Variants in FSTL5 observed in about 807,000 individuals in gnomAD.
The protein encoded by FSTL5 is follistatin-related protein 5.
A neutral mutation model predicts 89.1 loss-of-function variants in FSTL5; 62 were observed. The observed-to-expected ratio is 0.70, with a 90% confidence interval of 0.57 to 0.86. The LOEUF is 0.86. Among genes scored for constraint, FSTL5 ranks in the 40% least tolerant of loss-of-function variants. The pLI is 0.00. For missense variants in FSTL5, 1,057 were observed against 1,001.6 expected (o/e 1.06, Z -0.75); for synonymous variants, 383 against 346.2 (o/e 1.11, Z -1.18).
chr4:161,865,050 T>TA (rs988301229), intron 4 of FSTL5, among the ~76,000 whole-genome samples: 268 of 151,574 alleles, frequency 1.8e-3, no homozygotes, highest in African/African-American at 6.3e-3. Context: ...AGCAGAGTGA[T>TA]AAAAAAAAAA....
At chr4:162,000,416 C>T (rs62329592) in intron 3 of FSTL5, among the ~76,000 whole-genome samples, 63,410 of 151,482 alleles carry the variant, frequency 0.42, 13,416 homozygotes, top group Middle Eastern at 0.57. Context: ...CATGATGAAA[C>T]CCCATCTCTA....
chr4:161,508,937 C>T (rs1730567303), intron 11 of FSTL5, among the ~76,000 whole-genome samples: 1 of 152,074 alleles, frequency 6.6e-6, no homozygotes, highest in African/African-American at 2.4e-5. Flanking sequence ...AGTGTTATTC[C>T]TTCCATTTCA....
At chr4:162,110,626 G>C (rs908958857) in intron 2 of FSTL5, among the ~76,000 whole-genome samples, 11 of 151,732 alleles carry the variant, frequency 7.2e-5, no homozygotes, top group African/African-American at 2.7e-4. Context: ...TTAATAAAAA[G>C]TTGAGAATAT....
chr4:161,862,566 C>G (rs998498381), intron 4 of FSTL5, among the ~76,000 whole-genome samples: 2 of 152,028 alleles, frequency 1.3e-5, no homozygotes, highest in African/African-American at 4.8e-5. Flanking sequence ...AACCCTGTCT[C>G]TACTAAAAAT....
At chr4:161,420,106 A>C (rs566442713) in intron 15 of FSTL5, among the ~76,000 whole-genome samples, 1 of 152,360 alleles carries the variant, frequency 6.6e-6, no homozygotes, top group East Asian at 1.9e-4. Context: ...TTAGTATTAC[A>C]GTAGCCTATG....
intron 3 of FSTL5, among the ~76,000 whole-genome samples, chr4:162,027,590 A>G (rs956933303): frequency 1.3e-5 from 2 of 152,168 alleles, no homozygotes; most frequent in African/African-American, 4.8e-5. Flanking sequence ...TATTTTTTAA[A>G]TAGTAAAGAT....
At position 161,385,126 on chromosome 4, in the gene FSTL5, T is replaced by G. The variant is rs922823720; in HGVS notation, c.*621A>C. The G allele has an allele frequency of 6.5e-6, 1 of 152,744 alleles. No individual in the cohort carries two copies. Among genetic ancestry groups the G allele is most frequent in the African/African-American group, 2.4e-5 (1 of 41,462 alleles). The allele number at this position is 152,744 out of a possible 1,614,324, so 9.5% of individuals were successfully genotyped here. ...CTGTATACAACCTAAGACCAACTTA[T>G]GCCTTCAATTGGTAGTTCATTGAGG... On this transcript the variant is annotated 3_prime_UTR_variant, in exon 16 of 16. Transcript: ENST00000306100.
intron 3 of FSTL5, among the ~76,000 whole-genome samples, chr4:162,016,694 T>C (rs1190057803): frequency 6.6e-6 from 1 of 152,204 alleles, no homozygotes; most frequent in Non-Finnish European, 1.5e-5. Flanking sequence ...ATTTGGAGTA[T>C]CTCCATGTTC....
chr4:161,819,686 A>C (rs983546551), intron 4 of FSTL5, among the ~76,000 whole-genome samples: 1 of 152,136 alleles, frequency 6.6e-6, no homozygotes, highest in African/African-American at 2.4e-5. Flanking sequence ...CTCAAAATTC[A>C]TGAATGAAAC....
chr4:161,802,246 T>C (rs1729820986), intron 4 of FSTL5, among the ~76,000 whole-genome samples: 1 of 151,760 alleles, frequency 6.6e-6, no homozygotes, highest in South Asian at 2.1e-4. Flanking sequence ...GAAAATTAAC[T>C]ATCTCCTATA....
At chr4:161,748,579 G>T (rs529024418) in intron 6 of FSTL5, among the ~76,000 whole-genome samples, 1 of 148,992 alleles carries the variant, frequency 6.7e-6, no homozygotes, top group African/African-American at 2.5e-5. Flanking sequence ...TTAATTGCTG[G>T]ACTGAAATAA....
At position 161,950,651 on chromosome 4, in the gene FSTL5, G is replaced by T. The variant is rs564241538; in HGVS notation, c.161-29999C>A. 9.6e-3 allele frequency among the ~76,000 whole-genome samples: 1,455 copies of T among 152,236 alleles called. 18 individuals are homozygous for T. Among genetic ancestry groups the T allele is most frequent in the African/African-American group, 0.033 (1,357 of 41,548 alleles). ...CAGTGTTCTGAAACCACAGCTTACT[G>T]AAGGCACAGAATGCCTCAGTTTGGT... is the stretch of plus-strand genomic sequence containing the variant. On this transcript the variant is annotated intron_variant, in intron 3 of 15. Transcript: ENST00000306100.
chr4:162,075,830 G>C (rs1026574411), intron 2 of FSTL5, among the ~76,000 whole-genome samples: 5 of 151,816 alleles, frequency 3.3e-5, no homozygotes, highest in Non-Finnish European at 7.4e-5. Context: ...AGTTACAAAG[G>C]CTGTCACAAC....
intron 6 of FSTL5, among the ~76,000 whole-genome samples, chr4:161,735,567 A>G (rs186506392): frequency 2.4e-4 from 37 of 152,356 alleles, no homozygotes; most frequent in Admixed American, 1.8e-3. Flanking sequence ...GAGATCAGTT[A>G]GCTAAGATCT....
At chr4:161,510,522 A>G (rs1191791549) in intron 10 of FSTL5, 98 bp from the exon 11 acceptor site, 10 of 672,486 alleles carry the variant, frequency 1.5e-5, no homozygotes, top group African/African-American at 5.6e-5. Flanking sequence ...TCAAATATCT[A>G]TGATAGAATG....
At chr4:162,063,917 G>A (rs757874343) in intron 2 of FSTL5, among the ~76,000 whole-genome samples, 4 of 151,892 alleles carry the variant, frequency 2.6e-5, no homozygotes, top group Non-Finnish European at 4.4e-5. Context: ...TCTATCAGAG[G>A]CTTGTGCAAA....
chr4:161,676,560 G>A (rs1024846549), intron 6 of FSTL5, among the ~76,000 whole-genome samples: 13 of 151,914 alleles, frequency 8.6e-5, no homozygotes, highest in Admixed American at 2.0e-4. Context: ...GTGGATGATA[G>A]GTTGATGGGT....
rs575801998 is a variant in FSTL5 at position 162,029,690 on chromosome 4, A to G, written c.160+3935T>C. On this transcript the variant is annotated intron_variant, in intron 3 of 15. Transcript: ENST00000306100. The stretch of plus-strand genomic sequence containing the variant: ...TAAAGTTATGAAGCACTGAACAGTA[A>G]TTATGTAAATTTGCAAGAGAGTCAA... Among the ~76,000 whole-genome samples the G allele has an allele frequency of 3.9e-5, 6 of 152,216 alleles. 1 individual carries two copies. In the South Asian group the frequency reaches 1.2e-3, roughly 32 times the overall value.
chr4:161,660,402 G>A (rs1350276189), intron 6 of FSTL5, among the ~76,000 whole-genome samples: 1 of 152,106 alleles, frequency 6.6e-6, no homozygotes, highest in Non-Finnish European at 1.5e-5. Flanking sequence ...GGGTATTTAT[G>A]AGGCATTGAT....
Sources: gnomAD v4.1 joint callset for allele counts (sites outside exome capture counted in the v4.1 genomes callset) on GRCh38, gnomAD v4.1.1 for gene constraint, MANE v1.5 for transcripts, NCBI Gene and HGNC (gene_info 2026-07-23, HGNC 2026-07-21) for gene names.